SGCD: variants seen among roughly 807,000 people sequenced by gnomAD.
SGCD encodes the protein sarcoglycan delta.
Under a neutral mutation model 36.6 loss-of-function variants are expected in SGCD, and 18 were observed. That is an observed-to-expected ratio of 0.49 (90% CI 0.34 to 0.73). SGCD has a LOEUF of 0.73. Among genes scored for constraint, SGCD ranks in the 30% least tolerant of loss-of-function variants. SGCD has a pLI of 0.01. For missense variants in SGCD, 387 were observed against 346.7 expected (o/e 1.12, Z -0.92); for synonymous variants, 133 against 130.6 (o/e 1.02, Z -0.12).
chr5:156,458,610 T>A, intron 3 of SGCD: 2 of 678,290 alleles, frequency 2.9e-6, no homozygotes, highest in South Asian at 1.9e-5. Flanking sequence ...GATTTTTATT[T>A]GTAAAAATGA....
intron 3 of SGCD, among the ~76,000 whole-genome samples, chr5:156,130,970 C>A (rs770284099): frequency 6.6e-6 from 1 of 152,172 alleles, no homozygotes; most frequent in African/African-American, 2.4e-5. Context: ...CTTATGTGAT[C>A]CACTGGCCTC....
intron 4 of SGCD, among the ~76,000 whole-genome samples, chr5:156,572,686 T>C (rs1413642565): frequency 6.6e-6 from 1 of 152,048 alleles, no homozygotes; most frequent in Non-Finnish European, 1.5e-5. Flanking sequence ...TTTCAAAGAG[T>C]GTGAAAGGAG....
chr5:156,027,727 T>C (rs1461539383), intron 1 of SGCD, among the ~76,000 whole-genome samples: 1 of 152,300 alleles, frequency 6.6e-6, no homozygotes, highest in South Asian at 2.1e-4. Flanking sequence ...TCAGTCTACA[T>C]TCAACATTTC....
intron 3 of SGCD, among the ~76,000 whole-genome samples, chr5:156,127,051 G>A (rs2127604624): frequency 1.3e-5 from 2 of 152,200 alleles, no homozygotes; most frequent in South Asian, 4.1e-4. Context: ...ATAAAAATTT[G>A]GTGTCTAAAA....
At chr5:156,473,768 C>T (rs543496950) in intron 3 of SGCD, among the ~76,000 whole-genome samples, 6 of 152,246 alleles carry the variant, frequency 3.9e-5, no homozygotes, top group East Asian at 1.9e-4. Flanking sequence ...CATTGATCCA[C>T]GGAATCTGTT....
intron 7 of SGCD, among the ~76,000 whole-genome samples, chr5:156,691,138 T>G (rs1293742010): frequency 7.4e-6 from 1 of 134,530 alleles, no homozygotes. Context: ...ACCTAGGAAG[T>G]GGAGGTTGCA....
At chr5:155,906,117 G>T (rs1030981428) in intron 1 of SGCD, among the ~76,000 whole-genome samples, 16 of 152,016 alleles carry the variant, frequency 1.1e-4, no homozygotes, top group African/African-American at 3.4e-4. Flanking sequence ...CTGATATAAT[G>T]ATCTGTAATC....
At chr5:156,413,884 GA>G (rs986214180) in intron 3 of SGCD, among the ~76,000 whole-genome samples, 3 of 151,992 alleles carry the variant, frequency 2.0e-5, no homozygotes, top group Non-Finnish European at 4.4e-5. Context: ...TCTTCACAAA[GA>G]GCTTAGGACT....
chr5:156,167,446 T>C (rs1488066474), intron 3 of SGCD, among the ~76,000 whole-genome samples: 1 of 152,102 alleles, frequency 6.6e-6, no homozygotes, highest in African/African-American at 2.4e-5. Context: ...GCTTGTTGCT[T>C]TGTTGCAAGT....
At chr5:156,083,596 A>AT (rs60479128) in intron 1 of SGCD, among the ~76,000 whole-genome samples, 5,327 of 135,272 alleles carry the variant, frequency 0.039, 133 homozygotes, top group Non-Finnish European at 0.056. Flanking sequence ...CACCCGGCCC[A>AT]TTTTTTTTTT....
At chr5:156,606,838 GCTCT>G (rs1424168242) in intron 6 of SGCD, among the ~76,000 whole-genome samples, 1 of 152,042 alleles carries the variant, frequency 6.6e-6, no homozygotes, top group African/African-American at 2.4e-5. Flanking sequence ...TCATGATTTG[GCTCT>G]CTGTTTGTCT....
chr5:156,530,430 G>A (rs1757838377), intron 4 of SGCD, among the ~76,000 whole-genome samples: 2 of 152,228 alleles, frequency 1.3e-5, no homozygotes, highest in East Asian at 1.9e-4. Flanking sequence ...CGTATTTATG[G>A]CTGACTTCAG....
rs193219367 is a variant in SGCD at position 156,269,198 on chromosome 5, G to A, written c.-43-60336G>A. The stretch of plus-strand genomic sequence containing the variant: ...CCCATCAGATCTCTACTGGGCGCAC[G>A]GTGGCTCACACCTGTAATCCCAGCA... On this transcript the variant is annotated intron_variant, in intron 3 of 9. Transcript: ENST00000517913. Among the ~76,000 whole-genome samples the A allele has an allele frequency of 9.9e-3, 1,511 of 151,906 alleles. 8 individuals carry two copies. Among genetic ancestry groups the A allele is most frequent in the Non-Finnish European group, 0.016 (1,119 of 67,916 alleles).
intron 3 of SGCD, among the ~76,000 whole-genome samples, chr5:156,284,193 CA>C (rs1766531340): frequency 6.6e-6 from 1 of 152,048 alleles, no homozygotes; most frequent in Non-Finnish European, 1.5e-5. Context: ...AGCTTACCAA[CA>C]AAAAAAGTCC....
chr5:156,698,829 CTAAAT>C (rs1340484012), intron 7 of SGCD, among the ~76,000 whole-genome samples: 19 of 125,210 alleles, frequency 1.5e-4, no homozygotes, highest in African/African-American at 4.8e-4. Context: ...ATTTTGAAAA[CTAAAT>C]TAAAATACAC....
chr5:155,868,351 C>T (rs953841384), upstream of SGCD, among the ~76,000 whole-genome samples: 2 of 144,774 alleles, frequency 1.4e-5, no homozygotes, highest in Admixed American at 7.4e-5. Flanking sequence ...TGTATCCAGC[C>T]CTTTTTTTCT....
At position 156,144,355 on chromosome 5, in the gene SGCD, C is replaced by G. The variant is rs573248224; in HGVS notation, c.-44+20336C>G. On this transcript the variant is annotated intron_variant, in intron 3 of 9. Coordinates refer to the SGCD transcript ENST00000517913. ...TTGAACTAGTTTACAGTCCCACCAA[C>G]AGTGTAAAAGTGTTCCTATTTCTCC... 1.7e-3 allele frequency among the ~76,000 whole-genome samples: 262 copies of G among 152,266 alleles called. 1 individual carries two copies. Among genetic ancestry groups the G allele is most frequent in the African/African-American group, 5.9e-3 (243 of 41,534 alleles).
At chr5:156,146,120 G>A (rs770479063) in intron 3 of SGCD, among the ~76,000 whole-genome samples, 7 of 152,184 alleles carry the variant, frequency 4.6e-5, no homozygotes, top group Admixed American at 1.3e-4. Context: ...GGCTGAGACA[G>A]GAGAATGGTG....
intron 7 of SGCD, among the ~76,000 whole-genome samples, chr5:156,720,469 G>A (rs889798974): frequency 6.6e-6 from 1 of 152,156 alleles, no homozygotes; most frequent in African/African-American, 2.4e-5. Flanking sequence ...TTTGTTCGGG[G>A]AAGAGCACAG....
Sources: gnomAD v4.1 joint callset for allele counts (sites outside exome capture counted in the v4.1 genomes callset) on GRCh38, gnomAD v4.1.1 for gene constraint, MANE v1.5 for transcripts, NCBI Gene and HGNC (gene_info 2026-07-23, HGNC 2026-07-21) for gene names.